KAZN: variants seen among roughly 807,000 people sequenced by gnomAD.
KAZN encodes the protein kazrin, periplakin interacting protein.
A neutral mutation model predicts 87.4 loss-of-function variants in KAZN; 40 were observed. The observed-to-expected ratio is 0.46, with a 90% CI of 0.36 to 0.60. The LOEUF is 0.60. KAZN is among the 20% of genes least tolerant of loss of function. KAZN has a pLI of 0.00. For missense variants in KAZN, 898 were observed against 1,073.9 expected, an observed-to-expected ratio of 0.84 and a Z score of 2.29; for synonymous variants, 466 against 458.3, an observed-to-expected ratio of 1.02 and a Z score of -0.22.
chr1:14,411,823 C>CTTTCTTTTT (rs1266261049), intron 2 of KAZN, among the ~76,000 whole-genome samples: 137 of 152,216 alleles, frequency 9.0e-4, no homozygotes, highest in African/African-American at 3.2e-3. Context: ...ACAGTAATAA[C>CTTTCTTTTT]ACGTAACATA....
At chr1:14,122,783 A>C (rs1644779513) in intron 1 of KAZN, among the ~76,000 whole-genome samples, 1 of 152,110 alleles carries the variant, frequency 6.6e-6, no homozygotes, top group Non-Finnish European at 1.5e-5. Context: ...TTTGCTGTAG[A>C]TTTCTACAAC....
At chr1:14,292,121 A>G (rs1653749492) in intron 2 of KAZN, among the ~76,000 whole-genome samples, 1 of 152,290 alleles carries the variant, frequency 6.6e-6, no homozygotes, top group Non-Finnish European at 1.5e-5. Context: ...GATGACTTAT[A>G]GTATGTTGTA....
At chr1:14,699,385 A>G (rs1641793900) in intron 1 of KAZN, among the ~76,000 whole-genome samples, 1 of 152,342 alleles carries the variant, frequency 6.6e-6, no homozygotes, top group African/African-American at 2.4e-5. Context: ...GAAAGAGCTT[A>G]GTGATACTCT....
chr1:14,136,051 G>A (rs937985091), intron 1 of KAZN, among the ~76,000 whole-genome samples: 2 of 152,066 alleles, frequency 1.3e-5, no homozygotes, highest in Non-Finnish European at 2.9e-5. Flanking sequence ...TCTGAAGAAT[G>A]GGGGAGAGAA....
chr1:13,920,974 T>C (rs190137520), intron 1 of KAZN, among the ~76,000 whole-genome samples: 2 of 152,172 alleles, frequency 1.3e-5, no homozygotes, highest in Admixed American at 6.5e-5. Context: ...AATGTGCACA[T>C]AGCATCTGGA....
At chr1:14,528,370 A>G (rs1185342380) in intron 2 of KAZN, among the ~76,000 whole-genome samples, 12 of 151,278 alleles carry the variant, frequency 7.9e-5, no homozygotes, top group Non-Finnish European at 1.2e-4. Flanking sequence ...AAGAAAGAAA[A>G]AAAGGAAAAT....
At chr1:14,192,444 A>G (rs1344062246) in intron 2 of KAZN, among the ~76,000 whole-genome samples, 1 of 152,188 alleles carries the variant, frequency 6.6e-6, no homozygotes, top group Admixed American at 6.5e-5. Context: ...TTGTGCAGTC[A>G]AGCACAGAGC....
chr1:14,676,439 G>T (rs1557881828), intron 1 of KAZN, among the ~76,000 whole-genome samples: 1 of 152,086 alleles, frequency 6.6e-6, no homozygotes. Flanking sequence ...CTGAGCCTCA[G>T]TTCCCGTCTC....
chr1:14,830,601 A>G (rs933346142), intron 1 of KAZN, among the ~76,000 whole-genome samples: 1 of 152,206 alleles, frequency 6.6e-6, no homozygotes, highest in Non-Finnish European at 1.5e-5. Context: ...CAGGAAACTT[A>G]CAATCATGAG....
At chr1:14,713,177 G>A (rs12136961) in intron 1 of KAZN, among the ~76,000 whole-genome samples, 53,674 of 152,052 alleles carry the variant, frequency 0.35, 10,402 homozygotes, top group East Asian at 0.51. Context: ...CCTTCATTAC[G>A]CTAGCACAGG....
chr1:15,070,543 G>A (rs950483616), intron 8 of KAZN, among the ~76,000 whole-genome samples: 4 of 152,230 alleles, frequency 2.6e-5, no homozygotes, highest in African/African-American at 7.2e-5. Flanking sequence ...ATGAGCCTGC[G>A]GTCCAGGAGC....
In KAZN at chr1:14,960,701, G is replaced by A. The variant is rs1248709188; in HGVS notation, c.244G>A (p.Val82Met). ...TCCCCTAGTGCTCCTGCGGGAAGAA[G>A]TGTCGCGGCTCCAGGAGGAAGTTCA... ...LGAQVLLREE[V>M]SRLQEEVHLL... is the part of the protein sequence containing the mutation. Residue 82 changes from valine to methionine, a missense_variant, in exon 2 of 15, where the codon GTG becomes ATG. Physicochemically the swap from Val to Met is conservative, Grantham distance 21. This residue lies in a region of KAZN where 250 missense variants were observed against 263.0 expected (regional missense o/e 0.95). Transcript: ENST00000376030. 2 of 1,570,570 alleles carry A rather than the reference G, an allele frequency of 1.3e-6. No homozygotes were observed. Among genetic ancestry groups the A allele is most frequent in the East Asian group, 2.3e-5 (1 of 42,896 alleles).
intron 1 of KAZN, among the ~76,000 whole-genome samples, chr1:14,601,090 A>G (rs1312624342): frequency 1.3e-5 from 2 of 152,194 alleles, no homozygotes; most frequent in East Asian, 1.9e-4. Context: ...TTAAAAACAC[A>G]TAAAACCAGC....
chr1:14,550,979 C>T (rs1011910850), intron 2 of KAZN, among the ~76,000 whole-genome samples: 13 of 151,888 alleles, frequency 8.6e-5, no homozygotes, highest in Non-Finnish European at 1.6e-4. Flanking sequence ...TCCCCTATCC[C>T]GGCTACTTTG....
At chr1:14,204,506 A>G (rs995095770) in intron 2 of KAZN, among the ~76,000 whole-genome samples, 1 of 152,262 alleles carries the variant, frequency 6.6e-6, no homozygotes, top group African/African-American at 2.4e-5. Flanking sequence ...ATCAGGCAAA[A>G]TAATTTGATC....
In KAZN at chr1:14,353,915, TAAATA is replaced by T. The variant is rs552869822; in HGVS notation, c.249+173325_249+173329del. Among the ~76,000 whole-genome samples the T allele has an allele frequency of 1.3e-4, 20 of 152,160 alleles. 1 individual carries two copies. In the South Asian group the frequency reaches 2.5e-3, roughly 19 times the overall value. The stretch of plus-strand genomic sequence containing the variant: ...TCATAGCTGGCTCTTTTCCAGGAAA[TAAATA>T]AGCTGATTCTAAAATGTACTTGGAA... On this transcript the variant is annotated intron_variant, in intron 2 of 16. Coordinates refer to the KAZN transcript ENST00000636203.
intron 1 of KAZN, among the ~76,000 whole-genome samples, chr1:13,971,266 T>C (rs1427599252): frequency 6.6e-6 from 1 of 152,236 alleles, no homozygotes; most frequent in African/African-American, 2.4e-5. Context: ...TGGAACTGTT[T>C]ACATAATCTT....
intron 1 of KAZN, among the ~76,000 whole-genome samples, chr1:14,689,193 TCAAAACAAAA>T (rs3081470): frequency 0.094 from 13,920 of 147,804 alleles, 770 homozygotes; most frequent in African/African-American, 0.15. Context: ...AGACTCTGTC[TCAAAACAAAA>T]CAAAACAAAA....
intron 1 of KAZN, among the ~76,000 whole-genome samples, chr1:14,908,862 A>G (rs751320463): frequency 6.6e-6 from 1 of 151,996 alleles, no homozygotes; most frequent in Non-Finnish European, 1.5e-5. Flanking sequence ...TAAATATGCA[A>G]AAATTAGCCA....
Sources: gnomAD v4.1 joint callset for allele counts (sites outside exome capture counted in the v4.1 genomes callset) on GRCh38, gnomAD v4.1.1 for gene constraint, gnomAD v4.1.1 regional missense constraint, MANE v1.5 for transcripts, NCBI Gene and HGNC (gene_info 2026-07-23, HGNC 2026-07-21) for gene names.